Variants in SUGCT observed in about 807,000 individuals in gnomAD.
SUGCT encodes succinyl-CoA:glutarate-CoA transferase.
A neutral mutation model predicts 55.0 loss-of-function variants in SUGCT; 41 were observed. The ratio of observed to expected loss-of-function variants is 0.74; its 90% CI spans 0.58 to 0.97. SUGCT has a LOEUF of 0.97. Ranked by LOEUF, SUGCT falls within the 50% of genes least tolerant of loss-of-function variation. SUGCT has a pLI of 0.00. For synonymous variants in SUGCT, 187 were observed against 200.4 expected, an observed-to-expected ratio of 0.93 and a Z score of 0.56; for missense variants, 568 against 547.8, an observed-to-expected ratio of 1.04 and a Z score of -0.37.
the SUGCT span, among the ~76,000 whole-genome samples, chr7:40,921,467 G>C: frequency 4.6e-5 from 7 of 152,288 alleles, no homozygotes; most frequent in African/African-American, 1.7e-4. Flanking sequence ...GTGCACCTTC[G>C]TACTGAAGCA....
At chr7:40,653,709 G>T (rs973959675) in intron 12 of SUGCT, among the ~76,000 whole-genome samples, 2 of 152,304 alleles carry the variant, frequency 1.3e-5, no homozygotes, top group East Asian at 3.9e-4. Flanking sequence ...GTGAATCTCT[G>T]AGGGAACCAC....
chr7:41,034,455 A>G, the SUGCT span, among the ~76,000 whole-genome samples: 1 of 152,194 alleles, frequency 6.6e-6, no homozygotes, highest in Non-Finnish European at 1.5e-5. Context: ...AAGGCTGACC[A>G]TGGAGCATTT....
intron 6 of SUGCT, among the ~76,000 whole-genome samples, chr7:40,213,105 TG>T (rs1371170373): frequency 4.6e-5 from 7 of 151,680 alleles, no homozygotes; most frequent in African/African-American, 1.7e-4. Flanking sequence ...ATATTTTTAA[TG>T]TTTTTTTATG....
intron 5 of SUGCT, among the ~76,000 whole-genome samples, chr7:40,192,107 CAAAAAAAA>C (rs34662909): frequency 1.5e-4 from 9 of 61,368 alleles, no homozygotes; most frequent in African/African-American, 6.5e-4. Flanking sequence ...GATTCCATCT[CAAAAAAAA>C]AAAAAAAAAA....
At chr7:40,298,735 ATTT>A (rs572413470) in intron 8 of SUGCT, among the ~76,000 whole-genome samples, 2 of 144,930 alleles carry the variant, frequency 1.4e-5, no homozygotes. Context: ...TTGTGAAGGA[ATTT>A]TTTTTTTTTT....
chr7:40,502,345 G>T (rs758316811), intron 12 of SUGCT, among the ~76,000 whole-genome samples: 2 of 151,900 alleles, frequency 1.3e-5, no homozygotes, highest in Admixed American at 6.6e-5. Context: ...ATACTATTTG[G>T]GGGCATTTTG....
intron 9 of SUGCT, among the ~76,000 whole-genome samples, chr7:40,433,896 C>T (rs1319232292): frequency 6.6e-6 from 1 of 152,150 alleles, no homozygotes; most frequent in Admixed American, 6.6e-5. Flanking sequence ...ATTACTCACA[C>T]AGATAAATGA....
At chr7:40,410,206 CAT>C (rs940894474) in intron 9 of SUGCT, among the ~76,000 whole-genome samples, 1 of 152,136 alleles carries the variant, frequency 6.6e-6, no homozygotes, top group African/African-American at 2.4e-5. Flanking sequence ...TTGAAATTCA[CAT>C]GTCTTGAGCT....
chr7:40,719,184 C>T lies in SUGCT; in HGVS notation c.1090-30250C>T, dbSNP rs143573908. On this transcript the variant is annotated intron_variant, in intron 12 of 13. Coordinates refer to ENST00000335693, the MANE Select transcript of SUGCT (RefSeq NM_001193313.2). ...TGATCCTTCAGGGCATTGACTGTGT[C>T]CTGCTTTCTGGTATATAGGCCTTTG... Among the ~76,000 whole-genome samples the T allele has an allele frequency of 2.6e-5, 4 of 152,302 alleles. No individual in the cohort carries two copies. In the East Asian group the frequency reaches 7.7e-4, roughly 29 times the overall value.
intron 12 of SUGCT, among the ~76,000 whole-genome samples, chr7:40,674,074 T>C (rs1325741671): frequency 6.6e-6 from 1 of 152,204 alleles, no homozygotes; most frequent in East Asian, 1.9e-4. Flanking sequence ...TTAAGCATAT[T>C]ATGCAAGAAA....
chr7:40,288,066 G>A (rs916073464), intron 8 of SUGCT, among the ~76,000 whole-genome samples: 1 of 152,020 alleles, frequency 6.6e-6, no homozygotes, highest in Admixed American at 6.6e-5. Context: ...ATGTATTGCT[G>A]TACTCAGTAT....
chr7:40,328,420 G>A (rs572773635), intron 9 of SUGCT, among the ~76,000 whole-genome samples: 13 of 152,220 alleles, frequency 8.5e-5, no homozygotes, highest in African/African-American at 2.6e-4. Flanking sequence ...GAGACTCATC[G>A]TTTCTAGTTT....
In SUGCT at chr7:40,182,580, GA is replaced by G. The variant is rs1302987053; in HGVS notation, c.226+560del. On this transcript the variant is annotated intron_variant, in intron 3 of 13. Coordinates refer to ENST00000335693, the MANE Select transcript of SUGCT (RefSeq NM_001193313.2). ...CCGTTTCAAAAAAAAAAAAAAAAAT[GA>G]AAAAAAAGGGACTGAGATGCAGCGT... Among the ~76,000 whole-genome samples, 296 of 147,284 alleles carry G rather than the reference GA, an allele frequency of 2.0e-3. 1 individual carries two copies. Among genetic ancestry groups the G allele is most frequent in the African/African-American group, 7.0e-3 (276 of 39,586 alleles).
intron 12 of SUGCT, among the ~76,000 whole-genome samples, chr7:40,579,015 C>T (rs1160281775): frequency 2.0e-5 from 3 of 152,100 alleles, no homozygotes; most frequent in Admixed American, 6.5e-5. Context: ...TATTGAGTAC[C>T]GTGCTTGGCT....
chr7:40,851,454 C>T (rs986442047), intron 13 of SUGCT, among the ~76,000 whole-genome samples: 1 of 152,160 alleles, frequency 6.6e-6, no homozygotes, highest in African/African-American at 2.4e-5. Context: ...AATTTAGAAA[C>T]TGTGACAGGA....
the SUGCT span, among the ~76,000 whole-genome samples, chr7:41,026,745 A>G: frequency 6.6e-6 from 1 of 152,186 alleles, no homozygotes; most frequent in African/African-American, 2.4e-5. Flanking sequence ...CTTAACTTTT[A>G]TACTTAGGCT....
chr7:40,541,512 C>G (rs2151619381), intron 12 of SUGCT, among the ~76,000 whole-genome samples: 1 of 152,172 alleles, frequency 6.6e-6, no homozygotes, highest in East Asian at 1.9e-4. Context: ...AAAGTGTGGG[C>G]AGTAAGCATT....
chr7:40,535,308 C>G (rs978435404), intron 12 of SUGCT, among the ~76,000 whole-genome samples: 2 of 152,120 alleles, frequency 1.3e-5, no homozygotes, highest in African/African-American at 4.8e-5. Context: ...CCCTTGTTCC[C>G]CTTCCTCCCT....
chr7:40,517,829 GCCACCCCTTCTA>G (rs1260349864), intron 12 of SUGCT, among the ~76,000 whole-genome samples: 2 of 152,040 alleles, frequency 1.3e-5, no homozygotes, highest in African/African-American at 4.8e-5. Context: ...TCTGGAAGTT[GCCACCCCTTCTA>G]CCCATCCCGG....
Sources: gnomAD v4.1 joint callset for allele counts (sites outside exome capture counted in the v4.1 genomes callset) on GRCh38, gnomAD v4.1.1 for gene constraint, MANE v1.5 for transcripts, NCBI Gene and HGNC (gene_info 2026-07-23, HGNC 2026-07-21) for gene names.